Variants in GNPDA2 observed in about 807,000 individuals in gnomAD.
GNPDA2 encodes glucosamine-6-phosphate deaminase 2, also known as glcN6P deaminase 2.
GNPDA2 carries 24 observed loss-of-function variants against 27.0 expected under a neutral mutation model. The observed-to-expected ratio is 0.89, with a 90% CI of 0.64 to 1.25. GNPDA2 has a LOEUF of 1.25. Among genes scored for constraint, GNPDA2 ranks in the 50% most tolerant of loss-of-function variants. The pLI, the probability that GNPDA2 is intolerant of heterozygous loss-of-function variation, is 0.00. For synonymous variants in GNPDA2, 94 were observed against 108.4 expected, an observed-to-expected ratio of 0.87 and a Z score of 0.83; for missense variants, 286 against 335.1, an observed-to-expected ratio of 0.85 and a Z score of 1.14.
chr4:44,714,706 T>C, intron 4 of GNPDA2: 1 of 978,332 alleles, frequency 1.0e-6, no homozygotes, highest in Non-Finnish European at 1.2e-6. Context: ...CCAATCCTCA[T>C]CTAAAAATCC....
rs760778655 is a variant in GNPDA2 at position 44,722,217 on chromosome 4, G to A, written c.-10C>T. ...GAATTACAAGCCTCATTACGGTGAC[G>A]CACAGCTTCCAGAACAAGTTCAAAC... On this transcript the variant is annotated 5_prime_UTR_variant, in exon 2 of 7. Transcript: ENST00000295448. 2.7e-5 allele frequency: 43 copies of A among 1,612,156 alleles called. No individual in the cohort carries two copies. The highest frequency in any genetic ancestry group is 1.2e-4 in the Admixed American group (7 of 59,820).
intron 6 of GNPDA2, chr4:44,706,358 C>T (rs1380123073): frequency 1.3e-5 from 2 of 151,832 alleles, no homozygotes; most frequent in African/African-American, 4.8e-5. Flanking sequence ...ATGTACTTAA[C>T]TATCCATTAA....
In GNPDA2 at chr4:44,724,237, G is replaced by C. The variant is rs552013199; in HGVS notation, c.-35-1995C>G. 3.9e-5 allele frequency among the ~76,000 whole-genome samples: 6 copies of C among 152,270 alleles called. No individual in the cohort carries two copies. The South Asian group carries it at 1.2e-3, about 32-fold the overall frequency. On this transcript the variant is annotated intron_variant, in intron 1 of 6. Transcript: ENST00000295448. ...AGATTTCCTGCCCCCAGACCTTGGTGTTTTCCTTTGATTTAGCTTTAGGAA... is the reference window on the plus strand; with the variant it reads ...AGATTTCCTGCCCCCAGACCTTGGTCTTTTCCTTTGATTTAGCTTTAGGAA...
intron 4 of GNPDA2, among the ~76,000 whole-genome samples, chr4:44,711,809 GTATATA>G (rs35046303): frequency 1.9e-5 from 2 of 103,348 alleles, no homozygotes; most frequent in African/African-American, 5.9e-5. Flanking sequence ...TTGCAATCTA[GTATATA>G]TATATATATA....
intron 5 of GNPDA2, among the ~76,000 whole-genome samples, chr4:44,708,597 A>G (rs1716762031): frequency 6.6e-6 from 1 of 152,148 alleles, no homozygotes; most frequent in South Asian, 2.1e-4. Flanking sequence ...CTAAATGCCA[A>G]TGAAATAATG....
chr4:44,722,272 C>T, intron 1 of GNPDA2, 30 bp from the exon 2 acceptor site: 1 of 1,502,266 alleles, frequency 6.7e-7, no homozygotes, highest in Non-Finnish European at 9.0e-7. Flanking sequence ...GAACACTTTA[C>T]ATAATAAACA....
intron 4 of GNPDA2, among the ~76,000 whole-genome samples, chr4:44,712,038 T>G (rs1041266897): frequency 1.3e-5 from 2 of 152,062 alleles, no homozygotes; most frequent in Non-Finnish European, 2.9e-5. Context: ...AGAGACCTAG[T>G]GCCAACTCTA....
At position 44,711,070 on chromosome 4, in the gene GNPDA2, T is replaced by C; in HGVS notation, c.477A>G (p.Leu159=). The stretch of plus-strand genomic sequence containing the variant: ...AGATGGTATCCATTGCTAGAGTCTT[T>C]AATCTTGTCCTTGACACTAAACTGG... ...PGSSLVSRTR[L]KTLAMDTILA... is the part of the protein sequence containing the mutation. Residue 159 remains leucine (L), a synonymous_variant, in exon 5 of 7, where the codon TTA becomes TTG. Coordinates refer to ENST00000295448, the MANE Select transcript of GNPDA2 (RefSeq NM_138335.3). 6.2e-7 allele frequency: 1 copy of C among 1,613,044 alleles called. No homozygotes were observed. The highest frequency in any genetic ancestry group is 8.5e-7 in the Non-Finnish European group (1 of 1,179,502).
At chr4:44,711,367 A>G (rs1196142873) in intron 4 of GNPDA2, among the ~76,000 whole-genome samples, 1 of 152,194 alleles carries the variant, frequency 6.6e-6, no homozygotes, top group East Asian at 1.9e-4. Flanking sequence ...ATCACCTTAT[A>G]TTAATATAAC....
chr4:44,705,004 A>G (rs1419554248), intron 6 of GNPDA2: 2 of 979,898 alleles, frequency 2.0e-6, no homozygotes, highest in African/African-American at 1.7e-5. Context: ...TTCAAAAGGT[A>G]TATACCGTTA....
intron 5 of GNPDA2, 150 bp downstream of exon 5, chr4:44,710,803 A>T (rs1716926019): frequency 1.7e-6 from 1 of 575,086 alleles, no homozygotes; most frequent in Non-Finnish European, 2.9e-6. Context: ...TGTCAATGAG[A>T]CTGACAAAAG....
At position 44,710,990 on chromosome 4, in the gene GNPDA2, A is replaced by G; in HGVS notation, c.557T>C (p.Leu186Pro). 1 of 1,612,536 alleles carries G rather than the reference A, an allele frequency of 6.2e-7. No homozygotes were observed. The highest frequency in any genetic ancestry group is 8.5e-7 in the Non-Finnish European group (1 of 1,179,320). The part of the protein sequence containing the change: ...GDLSKVPTMA[L>P]TVGVGTVMDA... ...CATCACTGTCCCCACACCAACAGTTAGAGCCATAGTTGGCACTTTTGATAA... is the reference window on the plus strand; with the variant it reads ...CATCACTGTCCCCACACCAACAGTTGGAGCCATAGTTGGCACTTTTGATAA... Residue 186 changes from leucine to proline, a missense_variant, in exon 5 of 7, where the codon CTA (leucine) becomes CCA (proline). By Grantham distance (98) the Leu-to-Pro change is moderately conservative. Coordinates refer to ENST00000295448, the MANE Select transcript of GNPDA2 (RefSeq NM_138335.3).
chr4:44,710,599 T>C lies in GNPDA2; in HGVS notation c.594+354A>G, dbSNP rs142383785. ...CATCCTGTGAGCTCCAAAAAAGATGTAGTGTAACTAGCATTGCATCATTGT... is the reference window on the plus strand; with the variant it reads ...CATCCTGTGAGCTCCAAAAAAGATGCAGTGTAACTAGCATTGCATCATTGT... On this transcript the variant is annotated intron_variant, in intron 5 of 6. Transcript: ENST00000295448. 1.8e-3 allele frequency among the ~76,000 whole-genome samples: 279 copies of C among 152,280 alleles called. 2 individuals are homozygous for C. The highest frequency in any genetic ancestry group is 6.4e-3 in the African/African-American group (268 of 41,566).
intron 6 of GNPDA2, chr4:44,705,956 T>C (rs1311583839): frequency 3.3e-5 from 5 of 151,970 alleles, no homozygotes; most frequent in Non-Finnish European, 7.4e-5. Flanking sequence ...AAATATCTTA[T>C]TAAATATTCA....
chr4:44,713,734 G>T (rs1489906977), intron 4 of GNPDA2, among the ~76,000 whole-genome samples: 6 of 151,954 alleles, frequency 3.9e-5, no homozygotes, highest in African/African-American at 1.4e-4. Context: ...ACAAAAATTA[G>T]CCGGGCATGG....
chr4:44,716,361 A>T (rs922016231), intron 4 of GNPDA2, among the ~76,000 whole-genome samples: 3 of 151,946 alleles, frequency 2.0e-5, no homozygotes, highest in Non-Finnish European at 2.9e-5. Flanking sequence ...TTTTAGTTGA[A>T]TATTAAAGAA....
chr4:44,704,737 A>C (rs906719891), intron 6 of GNPDA2: 1 of 984,426 alleles, frequency 1.0e-6, no homozygotes, highest in African/African-American at 1.7e-5. Context: ...TACCAGAAGA[A>C]AGGTTAAATG....
chr4:44,716,335 T>A (rs912490723), intron 4 of GNPDA2, among the ~76,000 whole-genome samples: 3 of 151,918 alleles, frequency 2.0e-5, no homozygotes, highest in African/African-American at 7.2e-5. Context: ...ATACAGATAA[T>A]TTACAGCATT....
chr4:44,721,512 A>G (rs1396953124), intron 2 of GNPDA2, among the ~76,000 whole-genome samples: 1 of 152,164 alleles, frequency 6.6e-6, no homozygotes, highest in Non-Finnish European at 1.5e-5. Context: ...GTTTTTTAAG[A>G]GAATGCTTAA....
Sources: allele counts gnomAD v4.1 joint callset (sites outside exome capture counted in the v4.1 genomes callset), GRCh38; gene constraint gnomAD v4.1.1; transcripts MANE v1.5; gene names NCBI Gene and HGNC (gene_info 2026-07-23, HGNC 2026-07-21).